Variants in UBE2E1 observed in about 807,000 individuals in gnomAD.
UBE2E1 encodes the protein ubiquitin conjugating enzyme E2 E1, also known as ubiquitin-conjugating enzyme E2 E1.
UBE2E1 carries 6 observed loss-of-function variants against 21.4 expected under a neutral mutation model. The observed-to-expected ratio is 0.28, with a 90% CI of 0.15 to 0.55. UBE2E1 has a LOEUF of 0.55. Among genes scored for constraint, UBE2E1 ranks in the 20% least tolerant of loss-of-function variants. The pLI, the probability that UBE2E1 is intolerant of heterozygous loss-of-function variation, is 0.93. For missense variants in UBE2E1, 142 were observed against 236.5 expected (o/e 0.60, Z 2.62); for synonymous variants, 87 against 82.7 (o/e 1.05, Z -0.28).
intron 3 of UBE2E1, among the ~76,000 whole-genome samples, chr3:23,881,952 C>T (rs947209652): frequency 2.6e-5 from 4 of 151,726 alleles, no homozygotes; most frequent in East Asian, 1.9e-4. Context: ...TCCTCCCGTC[C>T]GGAGTTGTTT....
chr3:23,838,641 C>A (rs1468916680), intron 3 of UBE2E1, among the ~76,000 whole-genome samples: 1 of 152,050 alleles, frequency 6.6e-6, no homozygotes, highest in East Asian at 1.9e-4. Flanking sequence ...GGATTACAGG[C>A]ATGCACCAGC....
chr3:23,806,933 T>A lies in UBE2E1; in HGVS notation c.-33-304T>A. 2 of 175,090 alleles carry A rather than the reference T, an allele frequency of 1.1e-5. No individual in the cohort carries two copies. Among genetic ancestry groups the A allele is most frequent in the Non-Finnish European group, 1.2e-5 (1 of 84,112 alleles). 10.8% of individuals were successfully genotyped at this position (175,090 alleles called of 1,614,324 possible). A position where few individuals can be genotyped will look rare whatever the true frequency, so the allele number is the denominator to read the frequency against. ...CCGTGGCGCCCCGCGCCCCCCGCCC[T>A]GCCCTCCTTCGCCTCCCGGGCTACT... On this transcript the variant is annotated intron_variant, in intron 1 of 5. Transcript: ENST00000306627. This position sits in a 1 kb window ranked among gnomAD's most constrained non-coding sequence, Gnocchi z 6.5.
Position 23,876,984 on chromosome 3 carries a change from C to T in UBE2E1, c.204-10583C>T, listed in dbSNP as rs1030873804. ...ACTTGAGCCAGCTGTGATTGAGCCA[C>T]TGCACTCCAGCTTGAGCAACAGAGT... On this transcript the variant is annotated intron_variant, in intron 3 of 5. Coordinates refer to ENST00000306627, the MANE Select transcript of UBE2E1 (RefSeq NM_003341.5). This position sits in a 1 kb window ranked among gnomAD's most constrained non-coding sequence, Gnocchi z 4.3. 5.9e-5 allele frequency among the ~76,000 whole-genome samples: 9 copies of T among 152,222 alleles called. No individual in the cohort carries two copies. Among genetic ancestry groups the T allele is most frequent in the Admixed American group, 4.6e-4 (7 of 15,290 alleles).
intron 3 of UBE2E1, chr3:23,879,629 G>T: frequency 5.3e-6 from 1 of 190,378 alleles, no homozygotes; most frequent in Non-Finnish European, 1.1e-5. Context: ...CCTAACATCT[G>T]GGGAGGTGCT....
intron 3 of UBE2E1, among the ~76,000 whole-genome samples, chr3:23,831,969 G>A (rs905828790): frequency 2.6e-5 from 4 of 152,044 alleles, no homozygotes; most frequent in African/African-American, 4.8e-5. Context: ...GCCTCCCAAA[G>A]TGCTGAGGTT....
intron 3 of UBE2E1, among the ~76,000 whole-genome samples, chr3:23,820,583 CA>C (rs150621222): frequency 0.045 from 6,917 of 152,254 alleles, 196 homozygotes; most frequent in East Asian, 0.11. Flanking sequence ...ATACTTTTAA[CA>C]GAGTAGTTAA....
At chr3:23,843,956 G>C (rs1310637998) in intron 3 of UBE2E1, among the ~76,000 whole-genome samples, 1 of 152,044 alleles carries the variant, frequency 6.6e-6, no homozygotes, top group African/African-American at 2.4e-5. Context: ...TCTTTATCCT[G>C]CAGTTGTACT....
chr3:23,837,534 C>T (rs953403297), intron 3 of UBE2E1, among the ~76,000 whole-genome samples: 8 of 152,232 alleles, frequency 5.3e-5, no homozygotes, highest in African/African-American at 9.7e-5. Context: ...CCTGCACCAT[C>T]CCAGTCCAAC....
chr3:23,820,384 A>G (rs1439707148), intron 3 of UBE2E1, among the ~76,000 whole-genome samples: 1 of 152,190 alleles, frequency 6.6e-6, no homozygotes, highest in Non-Finnish European at 1.5e-5. Context: ...ATACACAGTG[A>G]TTATGGATTG....
chr3:23,835,501 G>A lies in UBE2E1; in HGVS notation c.203+23991G>A, dbSNP rs528418224. Among the ~76,000 whole-genome samples the A allele has an allele frequency of 5.5e-4, 83 of 151,970 alleles. No homozygotes were observed. The South Asian group carries it at 0.017, about 31-fold the overall frequency. Reference sequence around the variant, plus strand: ...CCAGAACAAAAAACAGTCACACCAGGGCCCCATCCTATTGGAATCATCTCT... The same window carrying A: ...CCAGAACAAAAAACAGTCACACCAGAGCCCCATCCTATTGGAATCATCTCT... On this transcript the variant is annotated intron_variant, in intron 3 of 5. Coordinates refer to ENST00000306627, the MANE Select transcript of UBE2E1 (RefSeq NM_003341.5).
chr3:23,849,838 G>C (rs556749865), intron 3 of UBE2E1, among the ~76,000 whole-genome samples: 126 of 152,252 alleles, frequency 8.3e-4, no homozygotes, highest in African/African-American at 2.9e-3. Flanking sequence ...TGTCTTTATA[G>C]TAGAATTATT....
chr3:23,817,421 C>CAAAAAAAAA (rs369690021), intron 3 of UBE2E1, among the ~76,000 whole-genome samples: 1 of 42,342 alleles, frequency 2.4e-5, no homozygotes. Flanking sequence ...GACTCTGTCT[C>CAAAAAAAAA]AAAAAAAAAA....
intron 3 of UBE2E1, among the ~76,000 whole-genome samples, chr3:23,864,821 C>T (rs774980260): frequency 6.6e-6 from 1 of 152,208 alleles, no homozygotes; most frequent in Non-Finnish European, 1.5e-5. Flanking sequence ...GAAGAGACTG[C>T]CTGGAGGGCG....
At position 23,836,601 on chromosome 3, in the gene UBE2E1, G is replaced by C. The variant is rs551363625; in HGVS notation, c.203+25091G>C. On this transcript the variant is annotated intron_variant, in intron 3 of 5. Transcript: ENST00000306627. The surrounding 1 kb of genome is among the most constrained non-coding windows in gnomAD (Gnocchi z 4.1). Reference sequence around the variant, plus strand: ...TTTCTTGGAAGTTTTAGAGCTGAAAGGGAACTTAGATCTAGTTCAGTTCCT... The same window carrying C: ...TTTCTTGGAAGTTTTAGAGCTGAAACGGAACTTAGATCTAGTTCAGTTCCT... Among the ~76,000 whole-genome samples, 4 of 152,162 alleles carry C rather than the reference G, an allele frequency of 2.6e-5. No individual in the cohort carries two copies. Among genetic ancestry groups the C allele is most frequent in the Non-Finnish European group, 5.9e-5 (4 of 68,022 alleles).
At chr3:23,857,587 A>C (rs898649538) in intron 3 of UBE2E1, among the ~76,000 whole-genome samples, 1 of 152,228 alleles carries the variant, frequency 6.6e-6, no homozygotes, top group Non-Finnish European at 1.5e-5. Context: ...TTATTTAGGA[A>C]ATAGTCTGAC....
At chr3:23,838,418 C>G (rs76249930) in intron 3 of UBE2E1, among the ~76,000 whole-genome samples, 32,309 of 152,104 alleles carry the variant, frequency 0.21, 3,505 homozygotes, top group Non-Finnish European at 0.23. Flanking sequence ...TTTTTCCAAT[C>G]TGACAATCTT....
At chr3:23,817,141 G>T (rs1699539656) in intron 3 of UBE2E1, among the ~76,000 whole-genome samples, 1 of 152,178 alleles carries the variant, frequency 6.6e-6, no homozygotes, top group Non-Finnish European at 1.5e-5. Flanking sequence ...TTGAGGGCCT[G>T]TTATAAATGA....
In UBE2E1 at chr3:23,816,783, A is replaced by G. The variant is rs1161398997; in HGVS notation, c.203+5273A>G. ...GCGTATGATTCCACTTACATGAAAT[A>G]CCTAGAATAGGCAAACTCATAAGGA... On this transcript the variant is annotated intron_variant, in intron 3 of 5. Coordinates refer to ENST00000306627, the MANE Select transcript of UBE2E1 (RefSeq NM_003341.5). This position sits in a 1 kb window ranked among gnomAD's most constrained non-coding sequence, Gnocchi z 4.8. 6.6e-6 allele frequency among the ~76,000 whole-genome samples: 1 copy of G among 152,214 alleles called. No individual in the cohort carries two copies. The highest frequency in any genetic ancestry group is 2.1e-4 in the South Asian group (1 of 4,836).
At chr3:23,811,845 A>G (rs965782688) in intron 3 of UBE2E1, among the ~76,000 whole-genome samples, 3 of 152,232 alleles carry the variant, frequency 2.0e-5, no homozygotes, top group African/African-American at 7.2e-5. Context: ...TGCGAAGGAC[A>G]TTTTGGTTTG....
Sources: gnomAD v4.1 joint callset for allele counts (sites outside exome capture counted in the v4.1 genomes callset) on GRCh38, gnomAD v4.1.1 for gene constraint, Gnocchi (gnomAD v3.1) non-coding constraint, MANE v1.5 for transcripts, NCBI Gene and HGNC (gene_info 2026-07-23, HGNC 2026-07-21) for gene names.